BICD1: variants seen among roughly 807,000 people sequenced by gnomAD.
The protein encoded by BICD1 is protein bicaudal D homolog 1.
A neutral mutation model predicts 92.5 loss-of-function variants in BICD1; 35 were observed. That is an observed-to-expected ratio of 0.38 (90% CI 0.29 to 0.50). The LOEUF is 0.50. Among genes scored for constraint, BICD1 ranks in the 20% least tolerant of loss-of-function variants. The pLI is 0.93. For synonymous variants in BICD1, 429 were observed against 465.1 expected (o/e 0.92, Z 1.00); for missense variants, 950 against 1,189.8 (o/e 0.80, Z 2.97).
intron 4 of BICD1, among the ~76,000 whole-genome samples, chr12:32,319,638 C>T (rs190397541): frequency 6.6e-4 from 99 of 151,018 alleles, no homozygotes; most frequent in Admixed American, 3.0e-3. Context: ...AGTGCAGTGA[C>T]GTGATCTTGG....
intron 4 of BICD1, among the ~76,000 whole-genome samples, chr12:32,319,065 T>A (rs2650131): frequency 0.76 from 115,250 of 152,060 alleles, 43,904 homozygotes; most frequent in East Asian, 0.86. Flanking sequence ...CTATTAATAT[T>A]TACAAGAGCA....
intron 2 of BICD1, among the ~76,000 whole-genome samples, chr12:32,264,232 A>G (rs1434118248): frequency 2.0e-5 from 3 of 152,208 alleles, no homozygotes; most frequent in Non-Finnish European, 4.4e-5. Flanking sequence ...AATAAATCTT[A>G]AATATTGTTA....
At chr12:32,288,319 C>T (rs1947634821) in intron 2 of BICD1, among the ~76,000 whole-genome samples, 1 of 149,582 alleles carries the variant, frequency 6.7e-6, no homozygotes, top group Non-Finnish European at 1.5e-5. Flanking sequence ...GCAGGCTTGA[C>T]CTTTGGGGCT....
At chr12:32,347,262 T>C (rs1938668390) in intron 8 of BICD1, among the ~76,000 whole-genome samples, 2 of 151,766 alleles carry the variant, frequency 1.3e-5, no homozygotes, top group Admixed American at 6.6e-5. Flanking sequence ...TCATTTTTCT[T>C]TTAAACTGAC....
intron 2 of BICD1, among the ~76,000 whole-genome samples, chr12:32,232,620 T>C (rs1319697611): frequency 6.6e-6 from 1 of 151,990 alleles, no homozygotes; most frequent in Non-Finnish European, 1.5e-5. Flanking sequence ...ATTTTGTCTT[T>C]TGTTGCCATT....
Position 32,328,641 on chromosome 12 carries a change from T to C in BICD1, c.2100+86T>C. The C allele has an allele frequency of 6.7e-7, 1 of 1,502,034 alleles. No homozygotes were observed. The highest frequency in any genetic ancestry group is 2.2e-5 in the Admixed American group (1 of 45,868). The allele number at this position is 1,502,034 out of a possible 1,614,324, so 93.0% of individuals were successfully genotyped here. ...TAATTTTATTGAGTATCGAGTATCGTCAAGATGAGAGTTCAGATTCTTGGT... is the reference window on the plus strand; with the variant it reads ...TAATTTTATTGAGTATCGAGTATCGCCAAGATGAGAGTTCAGATTCTTGGT... On this transcript the variant is annotated intron_variant, in intron 5 of 9. Transcript: ENST00000652176. The surrounding 1 kb of genome is among the most constrained non-coding windows in gnomAD (Gnocchi z 4.4).
At chr12:32,376,766 G>A (rs956657769) in intron 9 of BICD1, among the ~76,000 whole-genome samples, 1 of 151,342 alleles carries the variant, frequency 6.6e-6, no homozygotes, top group Admixed American at 6.6e-5. Flanking sequence ...TGCTCGGGAG[G>A]CTGAGGCAGG....
intron 2 of BICD1, among the ~76,000 whole-genome samples, chr12:32,237,718 C>A (rs1224967430): frequency 1.3e-5 from 2 of 152,020 alleles, no homozygotes; most frequent in Admixed American, 1.3e-4. Flanking sequence ...GTTTATCAAA[C>A]GTTTAAAGCC....
At chr12:32,332,829 T>A (rs1382886734) in intron 5 of BICD1, 1 of 975,294 alleles carries the variant, frequency 1.0e-6, no homozygotes, top group Non-Finnish European at 1.2e-6. Context: ...ATTCAGGGAA[T>A]GCTCACAAAG....
intron 2 of BICD1, among the ~76,000 whole-genome samples, chr12:32,234,609 AG>A (rs146801802): frequency 0.043 from 6,224 of 143,356 alleles, 162 homozygotes; most frequent in South Asian, 0.083. Context: ...AAAAAAAAAA[AG>A]AAAGAAAGAA....
intron 1 of BICD1, among the ~76,000 whole-genome samples, chr12:32,205,885 C>A (rs1399049656): frequency 1.3e-5 from 2 of 151,870 alleles, no homozygotes; most frequent in East Asian, 1.9e-4. Flanking sequence ...CCAGTGCAAC[C>A]ACTCATCTGC....
rs1939544560 is a variant in BICD1, at chr12:32,366,874, C to T, written c.2765-796C>T. On this transcript the variant is annotated intron_variant, in intron 8 of 9. Transcript: ENST00000652176. ...TCACCTAGTACCAGTAAACAGACTGCTCTTTGATTTTTTTTTAGAACACCA... is the reference window on the plus strand; with the variant it reads ...TCACCTAGTACCAGTAAACAGACTGTTCTTTGATTTTTTTTTAGAACACCA... 3.3e-5 allele frequency among the ~76,000 whole-genome samples: 5 copies of T among 152,262 alleles called. No individual in the cohort carries two copies. In the South Asian group the frequency reaches 8.3e-4, roughly 25 times the overall value.
chr12:32,139,922 A>C (rs1017805699), intron 1 of BICD1, among the ~76,000 whole-genome samples: 83 of 152,306 alleles, frequency 5.4e-4, no homozygotes, highest in African/African-American at 1.9e-3. Context: ...TTCAGTTTTC[A>C]GAGTCTTCTA....
intron 1 of BICD1, among the ~76,000 whole-genome samples, chr12:32,174,703 ATT>A (rs1201916433): frequency 1.3e-5 from 2 of 152,160 alleles, no homozygotes; most frequent in African/African-American, 4.8e-5. Flanking sequence ...CTGTGAAAGC[ATT>A]GTCTTCAGTG....
intron 2 of BICD1, among the ~76,000 whole-genome samples, chr12:32,291,358 G>A (rs261873): frequency 0.5 from 75,893 of 151,534 alleles, 19,498 homozygotes; most frequent in Middle Eastern, 0.61. Context: ...GCAACATGGC[G>A]AGACCCCACC....
intron 1 of BICD1, among the ~76,000 whole-genome samples, chr12:32,148,875 C>A (rs1943196665): frequency 6.6e-6 from 1 of 151,946 alleles, no homozygotes; most frequent in African/African-American, 2.4e-5. Flanking sequence ...CAAAAATTAG[C>A]TGGACATGGT....
chr12:32,327,730 T>G lies in BICD1; in HGVS notation c.1275T>G (p.Thr425=), dbSNP rs1948824197. 1.2e-6 allele frequency: 2 copies of G among 1,613,994 alleles called. No individual in the cohort carries two copies. The highest frequency in any genetic ancestry group is 2.7e-5 in the African/African-American group (2 of 74,908). The stretch of plus-strand genomic sequence containing the variant: ...AATGCAAATACAGGGTGGCAGTAAC[T>G]GAGGTGATTGATCTGAAAGCTGAAA... ...ILECKYRVAV[T]EVIDLKAEIK... is the part of the protein sequence containing the mutation. The change falls in exon 5 of 10, where the codon ACT becomes ACG. Residue 425 remains threonine, a synonymous_variant. Coordinates refer to ENST00000652176, the MANE Select transcript of BICD1 (RefSeq NM_001714.4).
chr12:32,218,637 A>C (rs12299520), intron 2 of BICD1, among the ~76,000 whole-genome samples: 1,650 of 152,304 alleles, frequency 0.011, 36 homozygotes, highest in African/African-American at 0.038. Context: ...TAAGAGAATA[A>C]CTTGTTATAT....
At chr12:32,155,388 A>G (rs1044002427) in intron 1 of BICD1, among the ~76,000 whole-genome samples, 4 of 152,340 alleles carry the variant, frequency 2.6e-5, no homozygotes, top group African/African-American at 9.6e-5. Flanking sequence ...CCAGCTATGG[A>G]GATTCAAATT....
Sources: gnomAD v4.1 joint callset for allele counts (sites outside exome capture counted in the v4.1 genomes callset) on GRCh38, gnomAD v4.1.1 for gene constraint, Gnocchi (gnomAD v3.1) non-coding constraint, MANE v1.5 for transcripts, NCBI Gene and HGNC (gene_info 2026-07-23, HGNC 2026-07-21) for gene names.